VWA8: variants seen among roughly 807,000 people sequenced by gnomAD.
The protein encoded by VWA8 is von Willebrand factor A domain containing 8, also known as von Willebrand factor A domain-containing protein 8.
A neutral mutation model predicts 241.5 loss-of-function variants in VWA8; 221 were observed. The observed-to-expected ratio is 0.91, with a 90% confidence interval of 0.82 to 1.02. The LOEUF is 1.02. Among genes scored for constraint, VWA8 ranks in the 50% least tolerant of loss-of-function variants. VWA8 has a pLI of 0.00. For synonymous variants in VWA8, 852 were observed against 827.1 expected, an observed-to-expected ratio of 1.03 and a Z score of -0.52; for missense variants, 2,322 against 2,328.7, an observed-to-expected ratio of 1.00 and a Z score of 0.06.
intron 21 of VWA8, among the ~76,000 whole-genome samples, chr13:41,737,112 G>A (rs2045531797): frequency 1.3e-5 from 2 of 152,106 alleles, no homozygotes; most frequent in South Asian, 4.1e-4. Flanking sequence ...TTAAAGGCGT[G>A]AGCCACCATG....
At chr13:41,717,327 A>T (rs1381216649) in intron 26 of VWA8, among the ~76,000 whole-genome samples, 1 of 151,898 alleles carries the variant, frequency 6.6e-6, no homozygotes, top group African/African-American at 2.4e-5. Flanking sequence ...ATTTTAAAAT[A>T]TTTTTAAAAA....
At position 41,676,106 on chromosome 13, in the gene VWA8, C is replaced by T. The variant is rs118020513; in HGVS notation, c.4328-810G>A. Among the ~76,000 whole-genome samples, 93 of 152,106 alleles carry T rather than the reference C, an allele frequency of 6.1e-4. No individual in the cohort carries two copies. The East Asian group carries it at 0.017, about 28-fold the overall frequency. ...CACAGTATAATTGCATCATGTTATA[C>T]GGAGCTATTACTTTGTTACTGTCTT... On this transcript the variant is annotated intron_variant, in intron 35 of 44. Coordinates refer to ENST00000379310, the MANE Select transcript of VWA8 (RefSeq NM_015058.2).
chr13:41,769,350 T>C (rs904648778), intron 20 of VWA8, among the ~76,000 whole-genome samples: 12 of 152,164 alleles, frequency 7.9e-5, no homozygotes, highest in Non-Finnish European at 1.8e-4. Flanking sequence ...AAAAATGATA[T>C]GCAAAAGAAC....
chr13:41,684,900 G>A (rs2045124707), intron 35 of VWA8, 147 bp downstream of exon 35: 1 of 698,368 alleles, frequency 1.4e-6, no homozygotes, highest in Non-Finnish European at 2.4e-6. Flanking sequence ...TCTGAATACG[G>A]AGAGGTCTTT....
At chr13:41,887,567 G>GA (rs1874608817) in intron 5 of VWA8, among the ~76,000 whole-genome samples, 1 of 152,184 alleles carries the variant, frequency 6.6e-6, no homozygotes, top group Admixed American at 6.5e-5. Context: ...TGGGGTGTTT[G>GA]AAAGGAAAAG....
At position 41,691,427 on chromosome 13, in the gene VWA8, C is replaced by T. The variant is rs369233709; in HGVS notation, c.3759G>A (p.Leu1253=). ...YKEKGNSLTV[L]DVLEGRTHTI... Reference sequence around the variant, plus strand: ...TGTGAGTTCGCCCTTCTAGAACATCCAGCACAGTCAGGCTGTTCCTGGAAA... The same window carrying T: ...TGTGAGTTCGCCCTTCTAGAACATCTAGCACAGTCAGGCTGTTCCTGGAAA... The change falls in exon 32 of 45, where the codon CTG becomes CTA. Residue 1253 remains leucine (L), a synonymous_variant. Coordinates refer to ENST00000379310, the MANE Select transcript of VWA8 (RefSeq NM_015058.2). 2 of 1,612,282 alleles carry T rather than the reference C, an allele frequency of 1.2e-6. No individual in the cohort carries two copies. Among genetic ancestry groups the T allele is most frequent in the Admixed American group, 1.7e-5 (1 of 59,838 alleles).
intron 26 of VWA8, among the ~76,000 whole-genome samples, chr13:41,704,225 G>T (rs751648085): frequency 2.6e-5 from 4 of 152,126 alleles, no homozygotes; most frequent in Non-Finnish European, 5.9e-5. Flanking sequence ...ATAAATGTCA[G>T]CTCTGCACAC....
chr13:41,923,406 C>A (rs1876661504), intron 2 of VWA8, among the ~76,000 whole-genome samples: 1 of 152,052 alleles, frequency 6.6e-6, no homozygotes, highest in South Asian at 2.1e-4. Context: ...GCACGTTGTG[C>A]ACATGTACCC....
At chr13:41,749,150 A>G (rs2045633958) in intron 21 of VWA8, among the ~76,000 whole-genome samples, 1 of 152,216 alleles carries the variant, frequency 6.6e-6, no homozygotes, top group Non-Finnish European at 1.5e-5. Flanking sequence ...AAGAACTCAA[A>G]TTTACAAGAA....
rs1040283345 is a variant in VWA8, at chr13:41,723,772, G to A, written c.2759-2197C>T. On this transcript the variant is annotated intron_variant, in intron 24 of 44. Coordinates refer to ENST00000379310, the MANE Select transcript of VWA8 (RefSeq NM_015058.2). ...TGGACATGTTAAATTCGAGATACAGGAGCTATTGAACTGGAAGCTGGATAT... is the reference window on the plus strand; with the variant it reads ...TGGACATGTTAAATTCGAGATACAGAAGCTATTGAACTGGAAGCTGGATAT... Among the ~76,000 whole-genome samples the A allele has an allele frequency of 2.1e-5, 3 of 140,684 alleles. No individual in the cohort carries two copies. The South Asian group carries it at 7.0e-4, about 33-fold the overall frequency. The allele number at this position is 140,684 out of a possible 152,430, so 92.3% of individuals were successfully genotyped here.
intron 20 of VWA8, among the ~76,000 whole-genome samples, chr13:41,765,370 C>T (rs2045772423): frequency 6.6e-6 from 1 of 152,140 alleles, no homozygotes; most frequent in Non-Finnish European, 1.5e-5. Flanking sequence ...AGACTATCCT[C>T]AATTTGTTTA....
At chr13:41,868,199 T>G (rs1873398217) in intron 10 of VWA8, 147 bp downstream of exon 10, 1 of 836,218 alleles carries the variant, frequency 1.2e-6, no homozygotes, top group South Asian at 2.0e-5. Flanking sequence ...TAAGCACACA[T>G]GACTCTGGAG....
At chr13:41,611,113 C>T (rs889449126) in intron 39 of VWA8, among the ~76,000 whole-genome samples, 1 of 152,184 alleles carries the variant, frequency 6.6e-6, no homozygotes, top group African/African-American at 2.4e-5. Context: ...TCTCTAAATC[C>T]TAGCTGAGCT....
At chr13:41,616,052 C>A (rs183954677) in intron 37 of VWA8, among the ~76,000 whole-genome samples, 193 of 152,320 alleles carry the variant, frequency 1.3e-3, no homozygotes, top group African/African-American at 4.4e-3. Context: ...TTGGTTCCTG[C>A]CCTCAAACTG....
At chr13:41,848,426 C>T (rs762870594) in intron 12 of VWA8, among the ~76,000 whole-genome samples, 9 of 152,132 alleles carry the variant, frequency 5.9e-5, no homozygotes, top group Non-Finnish European at 1.0e-4. Context: ...AATCTCACCT[C>T]GAATTATAAT....
chr13:41,819,101 G>A, intron 15 of VWA8, 117 bp downstream of exon 15: 1 of 1,005,594 alleles, frequency 9.9e-7, no homozygotes, highest in Non-Finnish European at 1.4e-6. Flanking sequence ...GAAGAAATTT[G>A]GGAGTAAATG....
chr13:41,760,411 A>C (rs1215364488), intron 21 of VWA8, among the ~76,000 whole-genome samples: 2 of 151,684 alleles, frequency 1.3e-5, no homozygotes, highest in South Asian at 4.1e-4. Context: ...CCAGAAACTA[A>C]CTCTTATAAC....
chr13:41,805,228 C>T (rs1201497741), intron 17 of VWA8, among the ~76,000 whole-genome samples: 1 of 151,916 alleles, frequency 6.6e-6, no homozygotes, highest in Non-Finnish European at 1.5e-5. Flanking sequence ...TATTCCATGC[C>T]AAATGAAACA....
At chr13:41,836,964 C>A (rs1419501662) in intron 12 of VWA8, among the ~76,000 whole-genome samples, 1 of 151,992 alleles carries the variant, frequency 6.6e-6, no homozygotes, top group Non-Finnish European at 1.5e-5. Flanking sequence ...ATTTTATCAC[C>A]TAAACTCTGT....
Sources: gnomAD v4.1 joint callset for allele counts (sites outside exome capture counted in the v4.1 genomes callset) on GRCh38, gnomAD v4.1.1 for gene constraint, MANE v1.5 for transcripts, NCBI Gene and HGNC (gene_info 2026-07-23, HGNC 2026-07-21) for gene names.